Variants in NXPE2 observed in about 807,000 individuals in gnomAD.
The protein encoded by NXPE2 is NXPE family member 2.
A neutral mutation model predicts 34.4 loss-of-function variants in NXPE2; 34 were observed. The ratio of observed to expected loss-of-function variants is 0.99; its 90% confidence interval spans 0.75 to 1.31. The LOEUF (loss-of-function observed/expected upper bound fraction) is 1.31, where lower values mean the gene tolerates loss of function less well. Among genes scored for constraint, NXPE2 ranks in the 40% most tolerant of loss-of-function variants. NXPE2 has a pLI of 0.00. For synonymous variants in NXPE2, 235 were observed against 231.3 expected (o/e 1.02, Z -0.15); for missense variants, 649 against 672.5 (o/e 0.97, Z 0.39).
chr11:114,479,263 G>T, the NXPE2 span, among the ~76,000 whole-genome samples: 1 of 152,178 alleles, frequency 6.6e-6, no homozygotes, highest in Non-Finnish European at 1.5e-5. Flanking sequence ...TAAAGCCAGA[G>T]ATTGGTATAA....
the NXPE2 span, among the ~76,000 whole-genome samples, chr11:114,800,218 T>C: frequency 6.6e-6 from 1 of 152,198 alleles, no homozygotes; most frequent in African/African-American, 2.4e-5. Context: ...ATTGCAAGCT[T>C]CTTGGATGAG....
chr11:114,509,964 C>T, the NXPE2 span, among the ~76,000 whole-genome samples: 1 of 151,910 alleles, frequency 6.6e-6, no homozygotes, highest in South Asian at 2.1e-4. Flanking sequence ...TCCTACCTAC[C>T]CAAAGTCATG....
At chr11:114,547,273 C>A in the NXPE2 span, among the ~76,000 whole-genome samples, 3 of 152,122 alleles carry the variant, frequency 2.0e-5, no homozygotes, top group Non-Finnish European at 4.4e-5. Flanking sequence ...AGTGGAAGAC[C>A]ACTTAGCTCT....
chr11:114,780,916 G>T, the NXPE2 span, among the ~76,000 whole-genome samples: 67 of 152,160 alleles, frequency 4.4e-4, no homozygotes, highest in Admixed American at 2.5e-3. Flanking sequence ...TGTGGCGTTG[G>T]GGGAGGAGAG....
chr11:114,486,873 G>A, the NXPE2 span, among the ~76,000 whole-genome samples: 2 of 152,120 alleles, frequency 1.3e-5, no homozygotes, highest in African/African-American at 4.8e-5. Flanking sequence ...TGTTATGCCA[G>A]TACTATGCTG....
At chr11:114,755,486 G>T in the NXPE2 span, among the ~76,000 whole-genome samples, 1 of 152,104 alleles carries the variant, frequency 6.6e-6, no homozygotes, top group Non-Finnish European at 1.5e-5. Flanking sequence ...GCATATCCTG[G>T]ATGTGTGCTC....
chr11:114,683,157 G>GT (rs1950977881), intron 2 of NXPE2, among the ~76,000 whole-genome samples: 1 of 151,860 alleles, frequency 6.6e-6, no homozygotes, highest in African/African-American at 2.4e-5. Flanking sequence ...AAGTTTTTGA[G>GT]TTTTTTAAAA....
the NXPE2 span, among the ~76,000 whole-genome samples, chr11:114,672,340 A>T: frequency 1.3e-5 from 2 of 152,048 alleles, no homozygotes; most frequent in African/African-American, 4.8e-5. Context: ...CAAAATATAC[A>T]GCAATAATTA....
chr11:114,791,223 G>A, the NXPE2 span, among the ~76,000 whole-genome samples: 1 of 151,776 alleles, frequency 6.6e-6, no homozygotes, highest in Non-Finnish European at 1.5e-5. Flanking sequence ...ATTGAACCTT[G>A]GGCTATTAAC....
chr11:114,813,334 A>T, the NXPE2 span, among the ~76,000 whole-genome samples: 7 of 152,234 alleles, frequency 4.6e-5, no homozygotes, highest in East Asian at 1.9e-4. Flanking sequence ...CAGACCATTC[A>T]TCTCTCTGCC....
At chr11:114,658,756 G>A in the NXPE2 span, among the ~76,000 whole-genome samples, 2 of 152,162 alleles carry the variant, frequency 1.3e-5, no homozygotes, top group Non-Finnish European at 2.9e-5. Context: ...TAATGCTGTG[G>A]AGAAGAGGAC....
At chr11:114,532,452 T>A in the NXPE2 span, among the ~76,000 whole-genome samples, 1 of 152,222 alleles carries the variant, frequency 6.6e-6, no homozygotes, top group African/African-American at 2.4e-5. Flanking sequence ...AATCATGTAA[T>A]ATATAACAGT....
At chr11:114,491,132 G>A in the NXPE2 span, among the ~76,000 whole-genome samples, 2 of 128,956 alleles carry the variant, frequency 1.6e-5, no homozygotes, top group Non-Finnish European at 3.2e-5. Flanking sequence ...ACTGCAGTCC[G>A]CAGTCCGGCC....
chr11:114,530,265 T>C, the NXPE2 span: 7 of 1,614,198 alleles, frequency 4.3e-6, no homozygotes, highest in South Asian at 2.2e-5. Context: ...GGGCATGTGT[T>C]GAGGCTTCAT....
the NXPE2 span, chr11:114,522,120 GA>G: frequency 5.6e-6 from 9 of 1,613,948 alleles, no homozygotes; most frequent in Non-Finnish European, 6.8e-6. Context: ...ATAAGATAGT[GA>G]ATATAACCAT....
the NXPE2 span, among the ~76,000 whole-genome samples, chr11:114,797,661 A>ATGAAATCTATT: frequency 2.5e-4 from 38 of 152,326 alleles, 1 homozygote; most frequent in African/African-American, 9.1e-4. Context: ...TGCTCTTGAG[A>ATGAAATCTATT]TGAAATCTAT....
the NXPE2 span, among the ~76,000 whole-genome samples, chr11:114,604,102 C>T: frequency 6.6e-6 from 1 of 151,990 alleles, no homozygotes; most frequent in Non-Finnish European, 1.5e-5. Flanking sequence ...CTACTGTTAT[C>T]TGCTGGATAA....
the NXPE2 span, among the ~76,000 whole-genome samples, chr11:114,576,802 A>G: frequency 6.6e-6 from 1 of 151,852 alleles, no homozygotes; most frequent in Non-Finnish European, 1.5e-5. Context: ...AACTAAAAAC[A>G]GATCTACCAT....
the NXPE2 span, among the ~76,000 whole-genome samples, chr11:114,663,563 CTCTA>C: frequency 1.3e-5 from 2 of 151,234 alleles, no homozygotes; most frequent in African/African-American, 2.5e-5. Context: ...TCCTGTCTAT[CTCTA>C]TCTATCATCT....
Sources: allele counts gnomAD v4.1 joint callset (sites outside exome capture counted in the v4.1 genomes callset), GRCh38; gene constraint gnomAD v4.1.1; transcripts MANE v1.5; gene names NCBI Gene and HGNC (gene_info 2026-07-23, HGNC 2026-07-21).